Variants in NEBL observed in about 807,000 individuals in gnomAD.
NEBL encodes the protein LIM and SH3 protein 2.
Under a neutral mutation model 140.2 loss-of-function variants are expected in NEBL, and 122 were observed. The observed-to-expected ratio is 0.87, with a 90% CI of 0.75 to 1.01. NEBL has a LOEUF of 1.01. NEBL is among the 50% of genes least tolerant of loss of function. The pLI, the probability that NEBL is intolerant of heterozygous loss-of-function variation, is 0.00. For missense variants in NEBL, 1,365 were observed against 1,231.3 expected (o/e 1.11, Z -1.62); for synonymous variants, 436 against 398.9 (o/e 1.09, Z -1.11).
intron 3 of NEBL, among the ~76,000 whole-genome samples, chr10:21,001,277 C>G (rs757428887): frequency 6.6e-6 from 1 of 152,114 alleles, no homozygotes; most frequent in African/African-American, 2.4e-5. Context: ...AGAGGAAAAT[C>G]GGCAAGTAAA....
Position 21,030,569 on chromosome 10 carries a change from A to G in NEBL, c.165-10368T>C, listed in dbSNP as rs1833736988. ...CCATCTCAGAGCTCAGACACACAGC[A>G]CGAATACCCTACAAGTGGTGGGGGA... On this transcript the variant is annotated intron_variant, in intron 2 of 6. Coordinates refer to the NEBL transcript ENST00000417816. 2.2e-5 allele frequency: 15 copies of G among 695,522 alleles called. No homozygotes were observed. The Middle Eastern group carries it at 8.4e-4, about 39-fold the overall frequency. The allele number at this position is 695,522 out of a possible 1,614,324, so 43.1% of individuals were successfully genotyped here. A position where few individuals can be genotyped will look rare whatever the true frequency, so the allele number is the denominator to read the frequency against.
intron 21 of NEBL, among the ~76,000 whole-genome samples, chr10:20,817,163 T>C (rs1369583205): frequency 2.0e-5 from 3 of 152,118 alleles, no homozygotes; most frequent in African/African-American, 7.2e-5. Context: ...CCGGATTGCA[T>C]GAGCTCAGGA....
At chr10:20,792,966 C>T (rs947245854) in intron 26 of NEBL, among the ~76,000 whole-genome samples, 1 of 152,134 alleles carries the variant, frequency 6.6e-6, no homozygotes, top group African/African-American at 2.4e-5. Flanking sequence ...CATCTGATCA[C>T]AAGACATAAG....
In NEBL at chr10:21,146,888, GA is replaced by G. The variant is rs1467986380; in HGVS notation, c.164+25494del. Among the ~76,000 whole-genome samples the G allele has an allele frequency of 2.0e-5, 3 of 152,114 alleles. No individual in the cohort carries two copies. In the South Asian group the frequency reaches 6.2e-4, roughly 32 times the overall value. ...ACAATTATCTGACTAAACAGCTGTC[GA>G]AGCTCTGGGAGATAGGCCTTAGGGT... On this transcript the variant is annotated intron_variant, in intron 2 of 6. Coordinates refer to the NEBL transcript ENST00000417816.
intron 4 of NEBL, among the ~76,000 whole-genome samples, chr10:20,937,240 C>T (rs1834539272): frequency 6.6e-6 from 1 of 152,196 alleles, no homozygotes; most frequent in African/African-American, 2.4e-5. Flanking sequence ...GTGTACCCAT[C>T]TCCACTGAGA....
chr10:20,952,778 G>A (rs931245610), intron 4 of NEBL, among the ~76,000 whole-genome samples: 1 of 151,396 alleles, frequency 6.6e-6, no homozygotes, highest in Non-Finnish European at 1.5e-5. Flanking sequence ...GGTGGTACAT[G>A]CCTGTAATCC....
intron 3 of NEBL, among the ~76,000 whole-genome samples, chr10:21,204,091 C>A (rs1299474356): frequency 1.3e-5 from 2 of 152,252 alleles, no homozygotes; most frequent in African/African-American, 4.8e-5. Context: ...GTTGAAAAGT[C>A]AGGGAACAGA....
At chr10:21,271,300 A>G (rs1479691854) in intron 1 of NEBL, among the ~76,000 whole-genome samples, 1 of 152,220 alleles carries the variant, frequency 6.6e-6, no homozygotes, top group Non-Finnish European at 1.5e-5. Flanking sequence ...AACAAACTCT[A>G]AAACTTCGAC....
chr10:20,804,796 G>A (rs1334005026), intron 26 of NEBL, among the ~76,000 whole-genome samples: 2 of 152,158 alleles, frequency 1.3e-5, no homozygotes, highest in African/African-American at 4.8e-5. Context: ...TCAGATATGG[G>A]TCTTGTACGC....
upstream of NEBL, among the ~76,000 whole-genome samples, chr10:20,898,403 A>AT (rs1847673900): frequency 2.6e-5 from 4 of 151,870 alleles, no homozygotes; most frequent in Middle Eastern, 6.8e-3. Context: ...GCCAAGCATA[A>AT]TTTTTTCTCT....
intron 16 of NEBL, among the ~76,000 whole-genome samples, chr10:20,830,102 C>T (rs180879544): frequency 6.1e-4 from 93 of 152,284 alleles, no homozygotes; most frequent in African/African-American, 2.1e-3. Flanking sequence ...ATCATCCCAG[C>T]GGCTGTGTCG....
intron 2 of NEBL, among the ~76,000 whole-genome samples, chr10:21,038,680 A>C (rs919976838): frequency 6.6e-6 from 1 of 152,184 alleles, no homozygotes; most frequent in African/African-American, 2.4e-5. Flanking sequence ...ATATGTGTGC[A>C]TGAGTCTTTA....
At chr10:21,077,829 C>T (rs1425017934) in intron 2 of NEBL, among the ~76,000 whole-genome samples, 1 of 152,056 alleles carries the variant, frequency 6.6e-6, no homozygotes, top group Non-Finnish European at 1.5e-5. Context: ...CTGGGGTCAA[C>T]ATTGTCAGGC....
intron 7 of NEBL, among the ~76,000 whole-genome samples, chr10:20,866,342 G>T (rs1227634173): frequency 1.3e-5 from 2 of 151,860 alleles, no homozygotes; most frequent in Non-Finnish European, 2.9e-5. Flanking sequence ...CCACTGAACC[G>T]CACACTTAAA....
intron 3 of NEBL, among the ~76,000 whole-genome samples, chr10:21,244,328 G>A (rs1842487564): frequency 6.9e-6 from 1 of 145,230 alleles, no homozygotes; most frequent in Admixed American, 6.8e-5. Flanking sequence ...ACCATGCCCA[G>A]CTAAATTTTG....
intron 4 of NEBL, among the ~76,000 whole-genome samples, chr10:20,884,139 C>T (rs1032435732): frequency 6.6e-6 from 1 of 152,180 alleles, no homozygotes; most frequent in African/African-American, 2.4e-5. Context: ...GTGATAAATA[C>T]ATTTATTCTA....
intron 3 of NEBL, among the ~76,000 whole-genome samples, chr10:20,963,038 A>G (rs1836127735): frequency 2.0e-5 from 3 of 150,458 alleles, no homozygotes; most frequent in Non-Finnish European, 4.5e-5. Flanking sequence ...ACACACACAC[A>G]CACACACACG....
intron 2 of NEBL, among the ~76,000 whole-genome samples, chr10:21,147,260 C>A: frequency 6.6e-6 from 1 of 152,136 alleles, no homozygotes; most frequent in East Asian, 1.9e-4. Flanking sequence ...GGTCTCATTG[C>A]ACGTTAGCCA....
chr10:20,878,374 T>G (rs1334431063), intron 5 of NEBL, among the ~76,000 whole-genome samples: 2 of 152,236 alleles, frequency 1.3e-5, no homozygotes, highest in African/African-American at 2.4e-5. Context: ...TTATTTTAAA[T>G]TAAATGAAGT....
Sources: allele counts gnomAD v4.1 joint callset (sites outside exome capture counted in the v4.1 genomes callset), GRCh38; gene constraint gnomAD v4.1.1; transcripts MANE v1.5; gene names NCBI Gene and HGNC (gene_info 2026-07-23, HGNC 2026-07-21).